C10orf143: variants seen among roughly 807,000 people sequenced by gnomAD.
C10orf143 encodes uncharacterized protein C10orf143.
chr10:130,080,800 C>A (rs1012735571), intron 1 of C10orf143, among the ~76,000 whole-genome samples: 1 of 152,032 alleles, frequency 6.6e-6, no homozygotes, highest in African/African-American at 2.4e-5. Flanking sequence ...GACTTTTTCA[C>A]TTAATGCATC....
chr10:130,064,553 A>T (rs183263989), intron 3 of C10orf143, among the ~76,000 whole-genome samples, 170 bp from the exon 4 acceptor site: 1 of 152,082 alleles, frequency 6.6e-6, no homozygotes, highest in Non-Finnish European at 1.5e-5. Flanking sequence ...TATATATTAC[A>T]TTATAATTAA....
chr10:130,106,571 C>T, intron 1 of C10orf143: 4 of 1,564,096 alleles, frequency 2.6e-6, no homozygotes, highest in South Asian at 2.2e-5. Flanking sequence ...GATACAGCCT[C>T]TAGCAGATGA....
intron 3 of C10orf143, among the ~76,000 whole-genome samples, chr10:130,054,351 T>C (rs371012014): frequency 1.3e-5 from 2 of 152,210 alleles, no homozygotes; most frequent in Non-Finnish European, 2.9e-5. Context: ...TAGGACAGGG[T>C]TTCCTCCTTT....
chr10:130,079,673 T>G, intron 2 of C10orf143, 45 bp from the exon 3 acceptor site: 1 of 398,984 alleles, frequency 2.5e-6, no homozygotes, highest in Non-Finnish European at 4.4e-6. Flanking sequence ...ACAATGATTA[T>G]TTACACTTTC....
In C10orf143 at chr10:130,070,629, G is replaced by T. The variant is rs369446845; in HGVS notation, c.298-6246C>A. The stretch of plus-strand genomic sequence containing the variant: ...ACTGCACCCTGAGCCCTTCCACTCA[G>T]TAGAAATAACGCCCTTATTTTGAAG... On this transcript the variant is annotated intron_variant, in intron 3 of 3. Transcript: ENST00000637128. Among the ~76,000 whole-genome samples the T allele has an allele frequency of 1.2e-4, 18 of 152,254 alleles. 1 individual carries two copies. The East Asian group carries it at 2.9e-3, about 25-fold the overall frequency.
At chr10:130,057,584 G>A (rs891467043) in intron 3 of C10orf143, among the ~76,000 whole-genome samples, 2 of 152,212 alleles carry the variant, frequency 1.3e-5, no homozygotes, top group Non-Finnish European at 2.9e-5. Context: ...AAGAGGCAGT[G>A]GGTAGAGAAG....
intron 3 of C10orf143, among the ~76,000 whole-genome samples, chr10:130,044,226 C>T (rs537251571): frequency 3.9e-5 from 6 of 152,086 alleles, no homozygotes; most frequent in Non-Finnish European, 5.9e-5. Context: ...GAAGCCTTGG[C>T]GGGAAAAGTG....
chr10:130,106,130 A>T, intron 1 of C10orf143: 1 of 721,318 alleles, frequency 1.4e-6, no homozygotes. Context: ...GCTGCCTGAA[A>T]GTATGAGACT....
At chr10:130,107,158 T>G (rs1206916997) in intron 1 of C10orf143, 1 of 1,592,850 alleles carries the variant, frequency 6.3e-7, no homozygotes, top group Admixed American at 1.7e-5. Context: ...ATTTTGAAAG[T>G]GAGAATCAGA....
chr10:130,077,873 A>G (rs1861143799), intron 3 of C10orf143, among the ~76,000 whole-genome samples: 1 of 152,226 alleles, frequency 6.6e-6, no homozygotes, highest in Non-Finnish European at 1.5e-5. Flanking sequence ...TCACATTTCA[A>G]TCTTTATTTA....
intron 3 of C10orf143, among the ~76,000 whole-genome samples, chr10:130,041,399 A>G (rs1860605470): frequency 6.6e-6 from 1 of 152,202 alleles, no homozygotes; most frequent in Non-Finnish European, 1.5e-5. Context: ...AAGCAGGGGC[A>G]TTTCAAATAG....
intron 1 of C10orf143, among the ~76,000 whole-genome samples, chr10:130,093,804 T>C (rs980168671): frequency 1.3e-5 from 2 of 151,976 alleles, no homozygotes; most frequent in South Asian, 2.1e-4. Flanking sequence ...CGAGGTCAGA[T>C]TGAGATCGTC....
intron 1 of C10orf143, 138 bp downstream of exon 1, chr10:130,110,566 G>A (rs1271288900): frequency 1.3e-5 from 5 of 397,004 alleles, no homozygotes; most frequent in Non-Finnish European, 2.2e-5. Flanking sequence ...CCCTCCCAGG[G>A]ACGTACGCGA....
chr10:130,085,040 T>C (rs1861269320), intron 1 of C10orf143, among the ~76,000 whole-genome samples: 1 of 152,104 alleles, frequency 6.6e-6, no homozygotes, highest in Admixed American at 6.5e-5. Context: ...TCAAAAATAA[T>C]TGAGTAAATA....
Position 130,040,631 on chromosome 10 carries a change from G to A in C10orf143, c.298-4661C>T, listed in dbSNP as rs149590957. Among the ~76,000 whole-genome samples the A allele has an allele frequency of 7.7e-3, 1,171 of 152,248 alleles. 9 individuals carry two copies. The highest frequency in any genetic ancestry group is 0.011 in the Non-Finnish European group (740 of 68,008). On this transcript the variant is annotated intron_variant and NMD_transcript_variant, in intron 3 of 5. Transcript: ENST00000643056. ...GGAGGTCAGCTGAGGTCAGGATTTCGAGACCAACCTGGCCAACATGGTGAA... is the reference window on the plus strand; with the variant it reads ...GGAGGTCAGCTGAGGTCAGGATTTCAAGACCAACCTGGCCAACATGGTGAA...
At chr10:130,089,217 G>A (rs1387391494) in intron 1 of C10orf143, among the ~76,000 whole-genome samples, 1 of 152,196 alleles carries the variant, frequency 6.6e-6, no homozygotes, top group African/African-American at 2.4e-5. Context: ...TGGACTTGTT[G>A]AGGATTAATT....
At chr10:130,107,726 G>A in intron 1 of C10orf143, 2 of 1,244,268 alleles carry the variant, frequency 1.6e-6, no homozygotes, top group South Asian at 1.2e-5. Context: ...AAGAGGCCCA[G>A]GGAATCCTCT....
At chr10:130,048,357 G>GC (rs1415489729) in intron 3 of C10orf143, among the ~76,000 whole-genome samples, 1 of 152,182 alleles carries the variant, frequency 6.6e-6, no homozygotes, top group Non-Finnish European at 1.5e-5. Flanking sequence ...TGGCCAGGTT[G>GC]GCTGAGAGTA....
At chr10:130,104,083 T>A (rs1315918241) in intron 1 of C10orf143, 1 of 152,182 alleles carries the variant, frequency 6.6e-6, no homozygotes, top group East Asian at 1.9e-4. Flanking sequence ...GGGCACTTAC[T>A]GTGTAAAAAG....
Sources: allele counts gnomAD v4.1 joint callset (sites outside exome capture counted in the v4.1 genomes callset), GRCh38; gene constraint gnomAD v4.1.1; transcripts MANE v1.5; gene names NCBI Gene and HGNC (gene_info 2026-07-23, HGNC 2026-07-21).